VEGFC: variants seen among roughly 807,000 people sequenced by gnomAD.
The protein encoded by VEGFC is vascular endothelial growth factor C.
A neutral mutation model predicts 46.1 loss-of-function variants in VEGFC; 12 were observed. The ratio of observed to expected loss-of-function variants is 0.26; its 90% CI spans 0.17 to 0.42. VEGFC has a LOEUF of 0.42. Ranked by LOEUF, VEGFC falls within the 10% of genes least tolerant of loss-of-function variation. VEGFC has a pLI of 1.00. For missense variants in VEGFC, 488 were observed against 529.4 expected (o/e 0.92, Z 0.77); for synonymous variants, 232 against 195.5 (o/e 1.19, Z -1.56).
intron 4 of VEGFC, among the ~76,000 whole-genome samples, chr4:176,692,554 A>G (rs12508448): frequency 0.78 from 100,863 of 129,714 alleles, 42,081 homozygotes; most frequent in East Asian, 0.95. Context: ...TGGGGGAGGG[A>G]CGCCCGCCAT....
intron 1 of VEGFC, among the ~76,000 whole-genome samples, chr4:176,782,689 A>G (rs1035450619): frequency 2.0e-5 from 3 of 152,190 alleles, no homozygotes; most frequent in African/African-American, 7.2e-5. Flanking sequence ...TTTTAAAAAG[A>G]TGATACAGTA....
chr4:176,707,307 C>T (rs1281040273), intron 4 of VEGFC, among the ~76,000 whole-genome samples: 1 of 152,176 alleles, frequency 6.6e-6, no homozygotes. Flanking sequence ...TTTGGTTGCA[C>T]CACATTCTAA....
Position 176,792,471 on chromosome 4 carries a change from G to C in VEGFC, c.-160C>G. On this transcript the variant is annotated 5_prime_UTR_variant, in exon 1 of 7. Transcript: ENST00000618562. The surrounding 1 kb of genome is among the most constrained non-coding windows in gnomAD (Gnocchi z 6.3). ...CGGAGGCGGCGGGAGCGGGTCCGGG[G>C]CTCCGCGTTCCCAACTTTGCAGGGC... 2.0e-6 allele frequency: 1 copy of C among 490,576 alleles called. No individual in the cohort carries two copies. The highest frequency in any genetic ancestry group is 3.3e-6 in the Non-Finnish European group (1 of 300,146). 30.4% of individuals were successfully genotyped at this position (490,576 alleles called of 1,614,324 possible).
chr4:176,696,979 C>A (rs112052324), intron 4 of VEGFC, among the ~76,000 whole-genome samples: 1 of 150,012 alleles, frequency 6.7e-6, no homozygotes, highest in African/African-American at 2.5e-5. Context: ...ATACAAAAAT[C>A]AGTTCAAGAT....
At chr4:176,787,033 G>A (rs769357647) in intron 1 of VEGFC, among the ~76,000 whole-genome samples, 5 of 152,122 alleles carry the variant, frequency 3.3e-5, no homozygotes, top group Non-Finnish European at 2.9e-5. Flanking sequence ...AAGCAGGACT[G>A]ATGGCAGCAT....
At chr4:176,711,043 T>C (rs9715846) in intron 4 of VEGFC, among the ~76,000 whole-genome samples, 3 of 149,506 alleles carry the variant, frequency 2.0e-5, no homozygotes, top group Admixed American at 6.7e-5. Flanking sequence ...CACACACACA[T>C]ATATATTTTT....
At chr4:176,765,226 G>C (rs1048882933) in intron 1 of VEGFC, among the ~76,000 whole-genome samples, 1 of 151,560 alleles carries the variant, frequency 6.6e-6, no homozygotes, top group Admixed American at 6.6e-5. Flanking sequence ...GCTAAAGAAA[G>C]GATTAGTGAA....
At chr4:176,686,301 T>G (rs4690460) in intron 6 of VEGFC, among the ~76,000 whole-genome samples, 40,607 of 152,040 alleles carry the variant, frequency 0.27, 6,119 homozygotes, top group African/African-American at 0.39. Flanking sequence ...CAGGTTTTAG[T>G]TGGTTGAATA....
chr4:176,685,554 T>G (rs1734024720), intron 6 of VEGFC, among the ~76,000 whole-genome samples: 1 of 152,094 alleles, frequency 6.6e-6, no homozygotes, highest in Non-Finnish European at 1.5e-5. Flanking sequence ...TTGTCTGTGT[T>G]CATATAATTC....
chr4:176,700,496 A>T (rs989276035), intron 4 of VEGFC, among the ~76,000 whole-genome samples: 1 of 152,024 alleles, frequency 6.6e-6, no homozygotes, highest in African/African-American at 2.4e-5. Flanking sequence ...CACATAAAAA[A>T]CTCACCTAGT....
chr4:176,711,160 T>G (rs1734613834), intron 4 of VEGFC, among the ~76,000 whole-genome samples: 1 of 152,166 alleles, frequency 6.6e-6, no homozygotes, highest in Non-Finnish European at 1.5e-5. Flanking sequence ...GTTTTGAACT[T>G]TAATATGATT....
chr4:176,766,398 C>A (rs1735623087), intron 1 of VEGFC, among the ~76,000 whole-genome samples: 1 of 152,040 alleles, frequency 6.6e-6, no homozygotes. Context: ...CCAGTCTGGG[C>A]AACATAGTGA....
intron 1 of VEGFC, among the ~76,000 whole-genome samples, chr4:176,763,527 G>A (rs1003465440): frequency 2.0e-5 from 3 of 152,096 alleles, no homozygotes; most frequent in African/African-American, 7.2e-5. Flanking sequence ...AAAACTCAAT[G>A]GGACTGGTAG....
At chr4:176,747,725 A>C (rs950400254) in intron 1 of VEGFC, among the ~76,000 whole-genome samples, 18 of 152,048 alleles carry the variant, frequency 1.2e-4, no homozygotes, top group Non-Finnish European at 2.6e-4. Flanking sequence ...GCCCAGGTTC[A>C]AGGCTGCAGT....
rs566859544 is a variant in VEGFC at position 176,777,347 on chromosome 4, C to T, written c.147+14818G>A. Among the ~76,000 whole-genome samples, 3 of 152,186 alleles carry T rather than the reference C, an allele frequency of 2.0e-5. No individual in the cohort carries two copies. In the South Asian group the frequency reaches 6.2e-4, roughly 32 times the overall value. On this transcript the variant is annotated intron_variant, in intron 1 of 6. Transcript: ENST00000618562. ...AACAAACAAAAAACTACTGCATGGGCTTTGAAATAGCTATGTAACTAATTG... is the reference window on the plus strand; with the variant it reads ...AACAAACAAAAAACTACTGCATGGGTTTTGAAATAGCTATGTAACTAATTG...
chr4:176,763,145 G>A (rs1475317686), intron 1 of VEGFC, among the ~76,000 whole-genome samples: 2 of 152,254 alleles, frequency 1.3e-5, no homozygotes, highest in Non-Finnish European at 2.9e-5. Flanking sequence ...TTTGAAAGTG[G>A]TCTCTATTTA....
chr4:176,705,179 C>A (rs1171200557), intron 4 of VEGFC, among the ~76,000 whole-genome samples: 1 of 152,020 alleles, frequency 6.6e-6, no homozygotes, highest in Non-Finnish European at 1.5e-5. Context: ...AGATAGAAGA[C>A]CTGACATAAA....
At chr4:176,758,606 A>C (rs1032183537) in intron 1 of VEGFC, among the ~76,000 whole-genome samples, 1 of 152,240 alleles carries the variant, frequency 6.6e-6, no homozygotes, top group Middle Eastern at 3.4e-3. Flanking sequence ...TCCCAAATCG[A>C]CAGCTTTCTG....
intron 6 of VEGFC, among the ~76,000 whole-genome samples, chr4:176,684,627 G>T (rs1406983600): frequency 3.9e-5 from 6 of 152,300 alleles, no homozygotes; most frequent in African/African-American, 1.4e-4. Context: ...TCAGCAGCGA[G>T]GGTCCCCTTC....
Sources: allele counts gnomAD v4.1 joint callset (sites outside exome capture counted in the v4.1 genomes callset), GRCh38; gene constraint gnomAD v4.1.1; non-coding constraint Gnocchi (gnomAD v3.1); transcripts MANE v1.5; gene names NCBI Gene and HGNC (gene_info 2026-07-23, HGNC 2026-07-21).